The following SEMA5A variants were observed in gnomAD, a reference collection of about 807,000 sequenced individuals.
The protein encoded by SEMA5A is semaphorin-5A.
In SEMA5A, 55 loss-of-function variants were observed where a neutral mutation model predicts 135.5. The ratio of observed to expected loss-of-function variants is 0.41; its 90% CI spans 0.33 to 0.51. The LOEUF (loss-of-function observed/expected upper bound fraction) is 0.51. Ranked by LOEUF, SEMA5A falls within the 20% of genes least tolerant of loss-of-function variation. The pLI, the probability that SEMA5A is intolerant of heterozygous loss-of-function variation, is 0.37. For missense variants in SEMA5A, 1,290 were observed against 1,419.9 expected (o/e 0.91, Z 1.47); for synonymous variants, 580 against 546.5 (o/e 1.06, Z -0.85).
At chr5:9,122,389 T>G (rs1334448815) in intron 14 of SEMA5A, among the ~76,000 whole-genome samples, 1 of 152,234 alleles carries the variant, frequency 6.6e-6, no homozygotes, top group Non-Finnish European at 1.5e-5. Flanking sequence ...CATGGATGTT[T>G]TCCTTAAACA....
At chr5:9,508,017 AGAAAAG>A (rs757614202) in intron 1 of SEMA5A, among the ~76,000 whole-genome samples, 5 of 147,396 alleles carry the variant, frequency 3.4e-5, no homozygotes, top group South Asian at 4.3e-4. Context: ...AAAAAAAAAA[AGAAAAG>A]AAAAAAAGAA....
At chr5:9,125,518 C>G (rs968500452) in intron 13 of SEMA5A, among the ~76,000 whole-genome samples, 3 of 152,136 alleles carry the variant, frequency 2.0e-5, no homozygotes, top group Non-Finnish European at 2.9e-5. Flanking sequence ...CCAACAGGTC[C>G]CAATGTGTGA....
At position 9,190,398 on chromosome 5, in the gene SEMA5A, A is replaced by T. The variant is rs1453708560; in HGVS notation, c.1142T>A (p.Leu381Gln). The change falls in exon 11 of 23, where the codon CTG (leucine) becomes CAG (glutamine). Residue 381 changes from leucine to glutamine, a missense_variant. Coordinates refer to ENST00000382496, the MANE Select transcript of SEMA5A (RefSeq NM_003966.3). ...RNLQDAQKFI[L>Q]MHEVVQPVTT... Reference sequence around the variant, plus strand: ...CACTGGCTGTACCACCTCATGCATCAGAATGAACTTCTGAGCATCCTGCAG... The same window carrying T: ...CACTGGCTGTACCACCTCATGCATCTGAATGAACTTCTGAGCATCCTGCAG... 2 of 1,614,058 alleles carry T rather than the reference A, an allele frequency of 1.2e-6. No homozygotes were observed. Among genetic ancestry groups the T allele is most frequent in the Non-Finnish European group, 1.7e-6 (2 of 1,180,034 alleles).
intron 1 of SEMA5A, among the ~76,000 whole-genome samples, chr5:9,531,092 TA>T (rs1737406901): frequency 6.6e-6 from 1 of 152,090 alleles, no homozygotes; most frequent in African/African-American, 2.4e-5. Context: ...GTTTTGTCCC[TA>T]AAAAACTCCA....
chr5:9,332,306 C>T (rs567648351), intron 4 of SEMA5A, among the ~76,000 whole-genome samples: 2 of 152,072 alleles, frequency 1.3e-5, no homozygotes, highest in Admixed American at 6.5e-5. Context: ...CTGCTACTCA[C>T]ATTGGGTCAG....
intron 5 of SEMA5A, among the ~76,000 whole-genome samples, chr5:9,247,649 T>C (rs1442982184): frequency 2.6e-5 from 4 of 152,150 alleles, no homozygotes; most frequent in Non-Finnish European, 5.9e-5. Context: ...TCAACAAAGA[T>C]TGACTTTACT....
At chr5:9,355,638 G>T (rs774675112) in intron 3 of SEMA5A, among the ~76,000 whole-genome samples, 1 of 152,152 alleles carries the variant, frequency 6.6e-6, no homozygotes, top group Non-Finnish European at 1.5e-5. Flanking sequence ...AGGTGAGTAA[G>T]GTGGGAACAG....
intron 1 of SEMA5A, among the ~76,000 whole-genome samples, chr5:9,480,705 C>T (rs1759843141): frequency 6.6e-6 from 1 of 152,180 alleles, no homozygotes; most frequent in Admixed American, 6.5e-5. Flanking sequence ...TCATCACTTA[C>T]ACGTGTGCCT....
intron 3 of SEMA5A, among the ~76,000 whole-genome samples, chr5:9,368,468 C>G (rs1357862863): frequency 1.3e-5 from 2 of 152,110 alleles, no homozygotes; most frequent in Admixed American, 6.5e-5. Context: ...TGACTTTTAA[C>G]AAATGTATAA....
At chr5:9,126,340 T>C (rs1291689142) in intron 13 of SEMA5A, among the ~76,000 whole-genome samples, 5 of 151,946 alleles carry the variant, frequency 3.3e-5, no homozygotes, top group Non-Finnish European at 7.4e-5. Context: ...GAGCCCAAGG[T>C]CACAAGACAG....
At chr5:9,105,935 G>GT (rs1420091362) in intron 16 of SEMA5A, among the ~76,000 whole-genome samples, 1 of 152,206 alleles carries the variant, frequency 6.6e-6, no homozygotes, top group African/African-American at 2.4e-5. Context: ...TCAACTGATA[G>GT]TATAGATCTT....
chr5:9,252,757 T>C (rs1206012560), intron 5 of SEMA5A, among the ~76,000 whole-genome samples: 1 of 152,118 alleles, frequency 6.6e-6, no homozygotes, highest in Non-Finnish European at 1.5e-5. Flanking sequence ...TCCTTTATGG[T>C]AAAAGATGGG....
intron 3 of SEMA5A, among the ~76,000 whole-genome samples, chr5:9,351,621 T>A (rs1918777): frequency 0.66 from 100,651 of 152,058 alleles, 34,236 homozygotes; most frequent in South Asian, 0.76. Flanking sequence ...ATTAACACTG[T>A]TATTCAATGA....
At chr5:9,210,719 G>T (rs559453129) in intron 8 of SEMA5A, among the ~76,000 whole-genome samples, 105 of 152,224 alleles carry the variant, frequency 6.9e-4, no homozygotes, top group Admixed American at 1.6e-3. Context: ...TGTGTCAGGG[G>T]GCAAGTCCCT....
chr5:9,183,891 G>A (rs1256140671), intron 11 of SEMA5A, among the ~76,000 whole-genome samples: 2 of 152,090 alleles, frequency 1.3e-5, no homozygotes, highest in African/African-American at 4.8e-5. Context: ...TATTTTTGAT[G>A]GAAAGATTAG....
chr5:9,352,245 C>T (rs1370532114), intron 3 of SEMA5A, among the ~76,000 whole-genome samples: 1 of 152,082 alleles, frequency 6.6e-6, no homozygotes, highest in African/African-American at 2.4e-5. Context: ...TCCTTAATAA[C>T]CTCACTAACC....
At chr5:9,498,539 G>A (rs1027714730) in intron 1 of SEMA5A, 7 of 152,140 alleles carry the variant, frequency 4.6e-5, no homozygotes, top group African/African-American at 1.4e-4. Context: ...TGGATGCTAC[G>A]TGGAAGGTGG....
At chr5:9,053,889 G>T in intron 19 of SEMA5A, 198 bp downstream of exon 19, 1 of 515,890 alleles carries the variant, frequency 1.9e-6, no homozygotes, top group South Asian at 4.7e-5. Context: ...CACGAGTTCT[G>T]AATCTATAGC....
intron 18 of SEMA5A, among the ~76,000 whole-genome samples, chr5:9,060,184 C>T (rs1000378601): frequency 5.3e-5 from 8 of 152,214 alleles, no homozygotes; most frequent in African/African-American, 1.4e-4. Context: ...CCACAACACT[C>T]TGCAGAATCT....
Sources: allele counts gnomAD v4.1 joint callset (sites outside exome capture counted in the v4.1 genomes callset), GRCh38; gene constraint gnomAD v4.1.1; transcripts MANE v1.5; gene names NCBI Gene and HGNC (gene_info 2026-07-23, HGNC 2026-07-21).